Variants in RFPL1 observed in about 807,000 individuals in gnomAD.
RFPL1 encodes ret finger protein-like 1.
A neutral mutation model predicts 9.6 loss-of-function variants in RFPL1; 6 were observed. The ratio of observed to expected loss-of-function variants is 0.62; its 90% CI spans 0.34 to 1.23. The LOEUF (loss-of-function observed/expected upper bound fraction) is 1.23. Among genes scored for constraint, RFPL1 ranks in the 50% most tolerant of loss-of-function variants. The pLI is 0.03. For missense variants in RFPL1, 352 were observed against 398.4 expected, an observed-to-expected ratio of 0.88 and a Z score of 0.99; for synonymous variants, 145 against 149.4, an observed-to-expected ratio of 0.97 and a Z score of 0.22.
upstream of RFPL1, among the ~76,000 whole-genome samples, chr22:29,435,838 C>T (rs934098673): frequency 3.9e-5 from 6 of 152,134 alleles, no homozygotes; most frequent in African/African-American, 1.2e-4. Flanking sequence ...ACAAGTTAAT[C>T]ACTAACTTGT....
At position 29,441,658 on chromosome 22, in the gene RFPL1, G is replaced by C. The variant is rs148461269; in HGVS notation, c.490G>C (p.Asp164His). The C allele has an allele frequency of 1.9e-4, 303 of 1,613,836 alleles. No individual in the cohort carries two copies. The highest frequency in any genetic ancestry group is 2.5e-4 in the Non-Finnish European group (291 of 1,179,882). ...TCGGCAAGACCTTGCCGAGAGATTT[G>C]ACGTGTCCATTTGCATCCTGGGCTC... The change falls in exon 2 of 2, where the codon GAC becomes CAC. Residue 164 changes from aspartate (D) to histidine (H), a missense_variant. Transcript: ENST00000354373.
In RFPL1 at chr22:29,441,269, C is replaced by T. The variant is rs552000774; in HGVS notation, c.374-273C>T. The T allele has an allele frequency of 2.5e-4, 118 of 465,298 alleles. 2 individuals are homozygous for T. The South Asian group carries it at 3.9e-3, about 16-fold the overall frequency. The allele number at this position is 465,298 out of a possible 1,614,324, so 28.8% of individuals were successfully genotyped here. A position where few individuals can be genotyped will look rare whatever the true frequency, so the allele number is the denominator to read the frequency against. ...GGGTCATGGTGTCTGCCTTCAGAGA[C>T]CCTCCACTCTAAATGAAGAAAAGTC... On this transcript the variant is annotated intron_variant, in intron 1 of 1. Coordinates refer to ENST00000354373, the Ensembl canonical transcript of RFPL1.
the RFPL1 span, among the ~76,000 whole-genome samples, chr22:29,425,006 C>T: frequency 6.6e-6 from 1 of 151,910 alleles, no homozygotes; most frequent in Non-Finnish European, 1.5e-5. Context: ...AGATCGAGAC[C>T]ATCCTGGCTA....
At chr22:29,423,433 C>T in the RFPL1 span, among the ~76,000 whole-genome samples, 2 of 151,436 alleles carry the variant, frequency 1.3e-5, no homozygotes, top group Non-Finnish European at 2.9e-5. Context: ...CCAGGCTGGT[C>T]TCAAACTCCT....
At chr22:29,412,036 TC>T in the RFPL1 span, among the ~76,000 whole-genome samples, 5 of 152,104 alleles carry the variant, frequency 3.3e-5, no homozygotes, top group African/African-American at 4.8e-5. Context: ...CCTAAGTGCC[TC>T]GAGAAAGCAG....
At chr22:29,418,180 G>A in the RFPL1 span, among the ~76,000 whole-genome samples, 1 of 152,042 alleles carries the variant, frequency 6.6e-6, no homozygotes, top group Non-Finnish European at 1.5e-5. Context: ...CACCCTCCTC[G>A]GCCTCCCAAA....
the RFPL1 span, among the ~76,000 whole-genome samples, chr22:29,391,597 C>CT: frequency 6.6e-6 from 1 of 152,152 alleles, no homozygotes; most frequent in Non-Finnish European, 1.5e-5. Flanking sequence ...GGAGTCAGAG[C>CT]TTTAAGATTT....
chr22:29,417,147 G>A, the RFPL1 span, among the ~76,000 whole-genome samples: 3 of 152,132 alleles, frequency 2.0e-5, no homozygotes, highest in South Asian at 2.1e-4. Context: ...GGAGGGAGGA[G>A]GAAAAACTGC....
chr22:29,432,486 A>G, the RFPL1 span, among the ~76,000 whole-genome samples: 6 of 152,086 alleles, frequency 3.9e-5, no homozygotes, highest in Non-Finnish European at 7.4e-5. Flanking sequence ...CAAAGTATAA[A>G]AGAAAATCTA....
At chr22:29,439,940 A>C (rs1355483513) in intron 1 of RFPL1, 1 of 152,264 alleles carries the variant, frequency 6.6e-6, no homozygotes, top group African/African-American at 2.4e-5. Context: ...TTTGGAATGG[A>C]GCACCTATGG....
At chr22:29,419,280 A>C in the RFPL1 span, 2 of 1,123,652 alleles carry the variant, frequency 1.8e-6, no homozygotes, top group Non-Finnish European at 2.7e-6. Context: ...GGAGGCAAGC[A>C]TGAGTGATCC....
exon 2 of RFPL1, chr22:29,441,626 C>T: frequency 6.2e-7 from 1 of 1,613,934 alleles, no homozygotes; most frequent in Non-Finnish European, 8.5e-7. Context: ...GGGTGCATCA[C>T]ACAGAATCGG....
chr22:29,438,143 G>A (rs1292345677), upstream of RFPL1: 3 of 170,860 alleles, frequency 1.8e-5, no homozygotes, highest in African/African-American at 7.3e-5. Flanking sequence ...CAAAGTGCTG[G>A]GATTACAGAT....
the RFPL1 span, among the ~76,000 whole-genome samples, chr22:29,410,583 C>CTATATATAGATATATATAGATATATA: frequency 5.3e-5 from 4 of 76,002 alleles, no homozygotes; most frequent in South Asian, 5.4e-4. Context: ...GTAGATATAT[C>CTATATATAGATATATATAGATATATA]TATCTATATA....
At chr22:29,431,504 G>T in the RFPL1 span, among the ~76,000 whole-genome samples, 1 of 152,302 alleles carries the variant, frequency 6.6e-6, no homozygotes, top group African/African-American at 2.4e-5. Flanking sequence ...GCCACAGCCA[G>T]ATTAGAACGA....
the RFPL1 span, among the ~76,000 whole-genome samples, chr22:29,398,836 C>T: frequency 1.3e-5 from 2 of 152,172 alleles, no homozygotes; most frequent in African/African-American, 4.8e-5. Context: ...GAAAATCTTC[C>T]TTCTTCTTCC....
the RFPL1 span, among the ~76,000 whole-genome samples, chr22:29,389,387 C>T: frequency 6.8e-6 from 1 of 148,028 alleles, no homozygotes; most frequent in Non-Finnish European, 1.5e-5. Flanking sequence ...GACCCTGTCT[C>T]AAAAAAAGAA....
chr22:29,433,847 G>T (rs1206516362), upstream of RFPL1, among the ~76,000 whole-genome samples: 3 of 152,008 alleles, frequency 2.0e-5, no homozygotes, highest in East Asian at 1.9e-4. Flanking sequence ...CAATAATTCT[G>T]GATATACAAG....
At chr22:29,419,079 G>C in the RFPL1 span, 1 of 788,766 alleles carries the variant, frequency 1.3e-6, no homozygotes, top group Non-Finnish European at 2.3e-6. Flanking sequence ...CTAAAGGAGA[G>C]ACTGAAGTGG....
Sources: allele counts gnomAD v4.1 joint callset (sites outside exome capture counted in the v4.1 genomes callset), GRCh38; gene constraint gnomAD v4.1.1; transcripts MANE v1.5; gene names NCBI Gene and HGNC (gene_info 2026-07-23, HGNC 2026-07-21).